The following SON variants were observed in gnomAD, a reference collection of about 807,000 sequenced individuals.
SON encodes the protein SON DNA and RNA binding protein.
Under a neutral mutation model 173.3 loss-of-function variants are expected in SON, and 4 were observed. The observed-to-expected ratio is 0.02, with a 90% CI of 0.01 to 0.05. The LOEUF is 0.05. Ranked by LOEUF, SON falls within the 10% of genes least tolerant of loss-of-function variation. The pLI, the probability that SON is intolerant of heterozygous loss-of-function variation, is 1.00. For missense variants in SON, 2,626 were observed against 3,055.3 expected (o/e 0.86, Z 3.31); for synonymous variants, 1,190 against 1,105.9 (o/e 1.08, Z -1.51).
In SON at chr21:33,552,387, T is replaced by A; in HGVS notation, c.3156T>A (p.Pro1052=). Residue 1052 remains proline, a synonymous_variant, in exon 3 of 12, where the codon CCT becomes CCA. Transcript: ENST00000356577. The surrounding 1 kb of genome is among the most constrained non-coding windows in gnomAD (Gnocchi z 5.6). ...CCTACGAGCGCTCTATGATGTCCCCTATGGCTGAGCGCTCTATGATGTCAG... is the reference window on the plus strand; with the variant it reads ...CCTACGAGCGCTCTATGATGTCCCCAATGGCTGAGCGCTCTATGATGTCAG... ...MSAYERSMMS[P]MAERSMMSAY... 6.2e-7 allele frequency: 1 copy of A among 1,613,838 alleles called. No individual in the cohort carries two copies. Among genetic ancestry groups the A allele is most frequent in the Non-Finnish European group, 8.5e-7 (1 of 1,179,924 alleles).
rs369669572 is a variant in SON at position 33,550,861 on chromosome 21, A to T, written c.1630A>T (p.Met544Leu). The T allele has an allele frequency of 1.9e-6, 3 of 1,613,064 alleles. No individual in the cohort carries two copies. Among genetic ancestry groups the T allele is most frequent in the East Asian group, 4.5e-5 (2 of 44,796 alleles). Residue 544 changes from methionine to leucine, a missense_variant, in exon 3 of 12, where the codon ATG (methionine) becomes TTG (leucine). By Grantham distance (15) the Met-to-Leu change is conservative. Coordinates refer to ENST00000356577, the MANE Select transcript of SON (RefSeq NM_138927.4). Reference protein sequence around the residue: ...TGLLGQPEATMVLELPGQPVA... With the variant: ...TGLLGQPEATLVLELPGQPVA... ...GTTGCTGGGGCAGCCTGAGGCAACG[A>T]TGGTGCTGGAGTTGCCAGGACAGCC...
At position 33,574,702 on chromosome 21, in the gene SON, C is replaced by T. The variant is rs749276029; in HGVS notation, c.7034-894C>T. 6.6e-5 allele frequency among the ~76,000 whole-genome samples: 10 copies of T among 152,254 alleles called. No homozygotes were observed. The South Asian group carries it at 1.2e-3, about 19-fold the overall frequency. On this transcript the variant is annotated intron_variant, in intron 9 of 11. Coordinates refer to ENST00000356577, the MANE Select transcript of SON (RefSeq NM_138927.4). Reference sequence around the variant, plus strand: ...AAATATTTGAAAACCTGGAATCAACCGACACACTTCTGGTCCCAAGCATTT... The same window carrying T: ...AAATATTTGAAAACCTGGAATCAACTGACACACTTCTGGTCCCAAGCATTT...
intron 6 of SON, chr21:33,560,596 C>A (rs931439424): frequency 2.2e-6 from 2 of 904,370 alleles, no homozygotes; most frequent in Non-Finnish European, 2.6e-6. Context: ...ATATATATAT[C>A]TGTATCTTTG....
rs536054535 is a variant in SON at position 33,553,075 on chromosome 21, A to G, written c.3844A>G (p.Thr1282Ala). Residue 1282 changes from threonine (T) to alanine (A), a missense_variant, in exon 3 of 12, where the codon ACT becomes GCT. By Grantham distance (58) the Thr-to-Ala change is moderately conservative. Coordinates refer to ENST00000356577, the MANE Select transcript of SON (RefSeq NM_138927.4). The stretch of plus-strand genomic sequence containing the variant: ...TGAAGTTGTTCCAGAGAGACCAGTG[A>G]CTTGTATGGTATCTGAAACTCCCGC... ...EHEVVPERPV[T>A]CMVSETPAMS... 1 of 1,613,664 alleles carries G rather than the reference A, an allele frequency of 6.2e-7. No homozygotes were observed. The highest frequency in any genetic ancestry group is 8.5e-7 in the Non-Finnish European group (1 of 1,179,602).
In SON at chr21:33,559,940, A is replaced by G; in HGVS notation, c.6657+165A>G. On this transcript the variant is annotated intron_variant, in intron 6 of 11. Transcript: ENST00000356577. This position sits in a 1 kb window ranked among gnomAD's most constrained non-coding sequence, Gnocchi z 4.1. Reference sequence around the variant, plus strand: ...GAAACAACCCGCAGCTTCTCATTTGACAGTAACTCGATGCAATTCACTTTG... The same window carrying G: ...GAAACAACCCGCAGCTTCTCATTTGGCAGTAACTCGATGCAATTCACTTTG... 4 of 1,613,614 alleles carry G rather than the reference A, an allele frequency of 2.5e-6. No individual in the cohort carries two copies. Among genetic ancestry groups the G allele is most frequent in the Non-Finnish European group, 2.5e-6 (3 of 1,179,556 alleles).
chr21:33,554,838 C>T lies in SON; in HGVS notation c.5607C>T (p.Arg1869=), dbSNP rs750826680. ...SQTRSRSRSR[R]RRRSSRSRSK... ...CACGTTCACGGTCACGTTCAAGACG[C>T]AGGAGGAGAAGCAGCAGATCAAGAT... Residue 1869 remains arginine (R), a synonymous_variant, in exon 3 of 12, where the codon CGC becomes CGT. Transcript: ENST00000356577. 6.2e-7 allele frequency: 1 copy of T among 1,613,876 alleles called. No homozygotes were observed. The highest frequency in any genetic ancestry group is 1.1e-5 in the South Asian group (1 of 91,074).
intron 3 of SON, 119 bp from the exon 4 acceptor site, chr21:33,557,037 A>G (rs1456917255): frequency 2.7e-6 from 2 of 733,598 alleles, no homozygotes; most frequent in Non-Finnish European, 4.0e-6. Context: ...TTTTTGTTAG[A>G]TACCCAAGTT....
intron 2 of SON, among the ~76,000 whole-genome samples, chr21:33,547,685 GATTT>G (rs750596145): frequency 5.1e-5 from 6 of 117,742 alleles, no homozygotes; most frequent in Non-Finnish European, 9.1e-5. Flanking sequence ...GTCAAGTGTT[GATTT>G]ATTTTCTTCT....
At chr21:33,557,650 G>T in intron 4 of SON, 1 of 1,535,276 alleles carries the variant, frequency 6.5e-7, no homozygotes, top group South Asian at 1.2e-5. Flanking sequence ...TTCCATTCAC[G>T]ACGCGTTCAC....
intron 8 of SON, chr21:33,570,175 C>G (rs2086253472): frequency 6.6e-6 from 1 of 152,290 alleles, no homozygotes; most frequent in Non-Finnish European, 1.5e-5. Context: ...TCCTGTTGTA[C>G]TCCTGACTCC....
At chr21:33,573,679 C>T (rs536524634) in intron 9 of SON, among the ~76,000 whole-genome samples, 6 of 152,238 alleles carry the variant, frequency 3.9e-5, no homozygotes, top group Admixed American at 2.0e-4. Context: ...TTTTGTTATG[C>T]TAGTTGCTAA....
In SON at chr21:33,549,749, C is replaced by T. The variant is rs145449576; in HGVS notation, c.518C>T (p.Ala173Val). The T allele has an allele frequency of 6.2e-7, 1 of 1,614,152 alleles. No individual in the cohort carries two copies. The highest frequency in any genetic ancestry group is 1.3e-5 in the African/African-American group (1 of 75,060). ...SAVALELPTRAFGPSETNESP... is the reference protein window; with the variant it reads ...SAVALELPTRVFGPSETNESP... ...GTGGCGCTGGAGCTTCCTACAAGAGCATTTGGCCCATCTGAGACCAATGAA... is the reference window on the plus strand; with the variant it reads ...GTGGCGCTGGAGCTTCCTACAAGAGTATTTGGCCCATCTGAGACCAATGAA... Residue 173 changes from alanine (A) to valine (V), a missense_variant, in exon 3 of 12, where the codon GCA becomes GTA. By Grantham distance (64) the Ala-to-Val change is moderately conservative. Transcript: ENST00000356577.
Position 33,553,113 on chromosome 21 carries a change from A to G in SON, c.3882A>G (p.Glu1294=). The G allele has an allele frequency of 6.2e-7, 1 of 1,614,222 alleles. No homozygotes were observed. The highest frequency in any genetic ancestry group is 8.5e-7 in the Non-Finnish European group (1 of 1,180,042). Residue 1294 remains glutamate, a synonymous_variant, in exon 3 of 12, where the codon GAA becomes GAG. Transcript: ENST00000356577. The part of the protein sequence containing the change: ...MVSETPAMSA[E]PTVLASEPPV... The stretch of plus-strand genomic sequence containing the variant: ...CTGAAACTCCCGCCATGTCAGCTGA[A>G]CCAACTGTGTTAGCATCAGAGCCTC...
chr21:33,556,000 G>C (rs1289697805), intron 3 of SON, among the ~76,000 whole-genome samples: 1 of 152,168 alleles, frequency 6.6e-6, no homozygotes, highest in East Asian at 1.9e-4. Context: ...AAAGATAACT[G>C]TTCTAATTTC....
chr21:33,552,698 C>T lies in SON; in HGVS notation c.3467C>T (p.Thr1156Ile). The T allele has an allele frequency of 6.2e-7, 1 of 1,614,086 alleles. No individual in the cohort carries two copies. Among genetic ancestry groups the T allele is most frequent in the Non-Finnish European group, 8.5e-7 (1 of 1,180,010 alleles). Residue 1156 changes from threonine (T) to isoleucine (I), a missense_variant, in exon 3 of 12, where the codon ACA (threonine) becomes ATA (isoleucine). By Grantham distance (89) the Thr-to-Ile change is moderately conservative (BLOSUM62 -1). Around this residue, in one of 13 missense-constraint regions of SON, gnomAD observed 366 missense variants for 448.6 expected, o/e 0.82. Coordinates refer to ENST00000356577, the MANE Select transcript of SON (RefSeq NM_138927.4). This position sits in a 1 kb window ranked among gnomAD's most constrained non-coding sequence, Gnocchi z 5.6. ...CCTTTGCCTCCTGAAGAGCCCCCAA[C>T]AATGCCACCGTTGCCACCTGAGGAG... is the stretch of plus-strand genomic sequence containing the variant. ...VPPLPPEEPP[T>I]MPPLPPEEPP...
intron 4 of SON, chr21:33,557,638 G>A: frequency 6.5e-7 from 1 of 1,543,042 alleles, no homozygotes; most frequent in Admixed American, 2.0e-5. Context: ...CTACAGTTTC[G>A]TTTCCATTCA....
rs929007628 is a variant in SON at position 33,546,781 on chromosome 21, CA to C, written c.244+411del. 3.0e-3 allele frequency: 450 copies of C among 151,664 alleles called. 2 individuals are homozygous for C. Among genetic ancestry groups the C allele is most frequent in the Non-Finnish European group, 4.5e-3 (306 of 68,024 alleles). 9.4% of individuals were successfully genotyped at this position (151,664 alleles called of 1,614,324 possible). A position where few individuals can be genotyped will look rare whatever the true frequency, so the allele number is the denominator to read the frequency against. ...GGGCGACAAGAATGAAACTCCATCT[CA>C]AAAAAAAATTTTTTTTTCAGTAAAT... On this transcript the variant is annotated intron_variant, in intron 2 of 11. Transcript: ENST00000356577.
chr21:33,555,933 ATAAAGT>A (rs2085957680), intron 3 of SON, among the ~76,000 whole-genome samples: 1 of 152,202 alleles, frequency 6.6e-6, no homozygotes, highest in Admixed American at 6.5e-5. Context: ...TACTAGCTAA[ATAAAGT>A]TAAATATTTT....
chr21:33,566,862 A>C (rs2086183060), intron 6 of SON, among the ~76,000 whole-genome samples: 1 of 152,166 alleles, frequency 6.6e-6, no homozygotes, highest in Non-Finnish European at 1.5e-5. Flanking sequence ...TTAAGTTCTT[A>C]ATGGAACTTT....
Sources: gnomAD v4.1 joint callset for allele counts (sites outside exome capture counted in the v4.1 genomes callset) on GRCh38, gnomAD v4.1.1 for gene constraint, gnomAD v4.1.1 regional missense constraint, Gnocchi (gnomAD v3.1) non-coding constraint, MANE v1.5 for transcripts, NCBI Gene and HGNC (gene_info 2026-07-23, HGNC 2026-07-21) for gene names.